Variants in LUC7L2 observed in about 807,000 individuals in gnomAD.
LUC7L2 encodes the protein LUC7 like 2, pre-mRNA splicing factor.
Under a neutral mutation model 52.8 loss-of-function variants are expected in LUC7L2, and 25 were observed. The observed-to-expected ratio is 0.47, with a 90% CI of 0.34 to 0.66. The LOEUF is 0.66. Ranked by LOEUF, LUC7L2 falls within the 30% of genes least tolerant of loss-of-function variation. The probability of loss-of-function intolerance (pLI) is 0.01; values close to 1 mark genes in which losing one functional copy is unlikely to be tolerated. For missense variants in LUC7L2, 328 were observed against 497.8 expected (o/e 0.66, Z 3.25); for synonymous variants, 144 against 160.9 (o/e 0.89, Z 0.80).
intron 2 of LUC7L2, among the ~76,000 whole-genome samples, chr7:139,393,140 A>G (rs1350608975): frequency 2.6e-5 from 4 of 152,038 alleles, no homozygotes; most frequent in East Asian, 3.9e-4. Context: ...GGTGGTGCAC[A>G]CTTGTAATCC....
intron 1 of LUC7L2, among the ~76,000 whole-genome samples, chr7:139,362,862 A>G (rs1345755240): frequency 6.6e-6 from 1 of 151,964 alleles, no homozygotes; most frequent in Non-Finnish European, 1.5e-5. Flanking sequence ...TGGAGATTTA[A>G]GTCTGTTAGT....
intron 2 of LUC7L2, among the ~76,000 whole-genome samples, chr7:139,377,127 G>T (rs1230580499): frequency 6.6e-6 from 1 of 152,182 alleles, no homozygotes; most frequent in Non-Finnish European, 1.5e-5. Flanking sequence ...TACAAAGCAA[G>T]AAATCCAGTT....
chr7:139,383,405 G>GATTT lies in LUC7L2; in HGVS notation c.156+7266_156+7269dup, dbSNP rs776509908. ...AGTGGAGAGTATCTTGGCTTTATTGGATTTATTTATTTATTTATTTTTTGA... is the reference window on the plus strand; with the variant it reads ...AGTGGAGAGTATCTTGGCTTTATTGGATTTATTTATTTATTTATTTATTTTTTGA... On this transcript the variant is annotated intron_variant, in intron 2 of 9. Transcript: ENST00000354926. Among the ~76,000 whole-genome samples, 36 of 141,630 alleles carry GATTT rather than the reference G, an allele frequency of 2.5e-4. No individual in the cohort carries two copies. The East Asian group carries it at 6.7e-3, about 26-fold the overall frequency. 92.9% of individuals were successfully genotyped at this position (141,630 alleles called of 152,430 possible). A position where few individuals can be genotyped will look rare whatever the true frequency, so the allele number is the denominator to read the frequency against.
chr7:139,391,426 T>C (rs974461642), intron 2 of LUC7L2, among the ~76,000 whole-genome samples: 3 of 152,244 alleles, frequency 2.0e-5, no homozygotes, highest in African/African-American at 7.2e-5. Context: ...CTATCGTTTA[T>C]ATATTCATTA....
Position 139,409,584 on chromosome 7 carries a change from G to A in LUC7L2, c.709G>A (p.Glu237Lys). The A allele has an allele frequency of 6.2e-7, 1 of 1,610,590 alleles. No individual in the cohort carries two copies. Among genetic ancestry groups the A allele is most frequent in the Non-Finnish European group, 8.5e-7 (1 of 1,178,100 alleles). ...ELKRVVAEKQEKRNQERLKRR... is the reference protein window; with the variant it reads ...ELKRVVAEKQKKRNQERLKRR... ...TAAGAGAGTCGTAGCTGAGAAGCAG[G>A]AGAAAAGAAACCAGGAACGGCTGAA... is the stretch of plus-strand genomic sequence containing the variant. The change falls in exon 7 of 10, where the codon GAG becomes AAG. Residue 237 changes from glutamate (E) to lysine (K), a missense_variant. Glu to Lys is a moderately conservative substitution (Grantham distance 56, BLOSUM62 1). Coordinates refer to ENST00000354926, the MANE Select transcript of LUC7L2 (RefSeq NM_016019.5).
At chr7:139,352,920 G>A (rs10277840) in intron 1 of LUC7L2, among the ~76,000 whole-genome samples, 16,347 of 152,144 alleles carry the variant, frequency 0.11, 2,461 homozygotes, top group African/African-American at 0.34. Flanking sequence ...GGCACCGGCC[G>A]GGCACGGTGG....
intron 3 of LUC7L2, among the ~76,000 whole-genome samples, chr7:139,398,944 C>T (rs889085761): frequency 4.6e-5 from 7 of 152,018 alleles, no homozygotes; most frequent in Admixed American, 1.3e-4. Context: ...GCATATTCTT[C>T]CCAACAAAAT....
chr7:139,342,130 A>T (rs954106479), intron 1 of LUC7L2, among the ~76,000 whole-genome samples: 3 of 152,182 alleles, frequency 2.0e-5, no homozygotes, highest in African/African-American at 7.2e-5. Flanking sequence ...AAAAGGTGGC[A>T]ACGTTAGGGT....
chr7:139,351,629 TGCCA>T (rs1209985200), intron 1 of LUC7L2, among the ~76,000 whole-genome samples: 1 of 152,214 alleles, frequency 6.6e-6, no homozygotes, highest in Non-Finnish European at 1.5e-5. Context: ...GCCTGGCCCT[TGCCA>T]GACCTCTTCA....
intron 9 of LUC7L2, among the ~76,000 whole-genome samples, chr7:139,420,862 G>A (rs1317872336): frequency 2.0e-5 from 3 of 152,092 alleles, no homozygotes; most frequent in Non-Finnish European, 2.9e-5. Context: ...GCAGTAATGC[G>A]ATCTGGGCTC....
chr7:139,340,925 G>A (rs1308559798), intron 1 of LUC7L2, among the ~76,000 whole-genome samples: 1 of 151,882 alleles, frequency 6.6e-6, no homozygotes, highest in Admixed American at 6.6e-5. Context: ...TCCTTTGTCT[G>A]AGCCGCAGGT....
chr7:139,405,461 G>A (rs1164371359), intron 4 of LUC7L2, among the ~76,000 whole-genome samples, 183 bp from the exon 5 acceptor site: 28 of 152,198 alleles, frequency 1.8e-4, no homozygotes, highest in Non-Finnish European at 4.4e-5. Flanking sequence ...CTTCATTGAG[G>A]TAAGGCAGGC....
intron 2 of LUC7L2, among the ~76,000 whole-genome samples, chr7:139,380,211 A>G (rs1800929166): frequency 6.6e-6 from 1 of 152,064 alleles, no homozygotes; most frequent in African/African-American, 2.4e-5. Flanking sequence ...AGAGGAGGTA[A>G]AACAGAACAG....
intron 2 of LUC7L2, among the ~76,000 whole-genome samples, chr7:139,381,374 A>T (rs1801009453): frequency 9.7e-6 from 1 of 102,754 alleles, no homozygotes; most frequent in East Asian, 3.0e-4. Context: ...ATTTTATTTT[A>T]TTTTTATTTT....
chr7:139,419,205 TA>T (rs1795774875), intron 9 of LUC7L2, among the ~76,000 whole-genome samples: 1 of 151,992 alleles, frequency 6.6e-6, no homozygotes, highest in Admixed American at 6.5e-5. Flanking sequence ...TAGACTGGCA[TA>T]AGACTACCAC....
At chr7:139,385,869 GTATTT>G (rs1409251652) in intron 2 of LUC7L2, among the ~76,000 whole-genome samples, 2 of 152,158 alleles carry the variant, frequency 1.3e-5, no homozygotes, top group South Asian at 4.1e-4. Context: ...TTTATCAACT[GTATTT>G]TAACACTTCT....
rs564280926 is a variant in LUC7L2, at chr7:139,351,917, T to G, written c.-26+11400T>G. On this transcript the variant is annotated intron_variant, in intron 1 of 10. Transcript: ENST00000541170. The stretch of plus-strand genomic sequence containing the variant: ...CCTTACCTTTTCACTCTTAAACATG[T>G]GGGGAGGTGGCTCCTGTTTGTAATC... 2.6e-5 allele frequency among the ~76,000 whole-genome samples: 4 copies of G among 152,270 alleles called. No individual in the cohort carries two copies. In the East Asian group the frequency reaches 7.7e-4, roughly 29 times the overall value.
intron 1 of LUC7L2, among the ~76,000 whole-genome samples, chr7:139,344,275 G>C (rs1007321930): frequency 2.0e-5 from 3 of 152,056 alleles, no homozygotes; most frequent in Admixed American, 2.0e-4. Context: ...GTGGGGACTG[G>C]TTCCAGGACA....
At chr7:139,355,446 CA>C (rs943857776), upstream of LUC7L2, among the ~76,000 whole-genome samples, 2 of 151,584 alleles carry the variant, frequency 1.3e-5, no homozygotes, top group Non-Finnish European at 2.9e-5. Context: ...CAACAGACCA[CA>C]AAAAACCTTA....
Sources: gnomAD v4.1 joint callset for allele counts (sites outside exome capture counted in the v4.1 genomes callset) on GRCh38, gnomAD v4.1.1 for gene constraint, MANE v1.5 for transcripts, NCBI Gene and HGNC (gene_info 2026-07-23, HGNC 2026-07-21) for gene names.